The following EDA2R variants were observed in gnomAD, a reference collection of about 807,000 sequenced individuals.
EDA2R encodes tumor necrosis factor receptor superfamily member 27.
A neutral mutation model predicts 20.1 loss-of-function variants in EDA2R; 26 were observed. The observed-to-expected ratio is 1.30, with a 90% CI of 0.95 to 1.80. The LOEUF is 1.80. Among genes scored for constraint, EDA2R ranks in the 40% most tolerant of loss-of-function variants. EDA2R has a pLI of 0.00. For missense variants in EDA2R, 277 were observed against 228.7 expected, an observed-to-expected ratio of 1.21 and a Z score of -1.36; for synonymous variants, 114 against 88.7, an observed-to-expected ratio of 1.29 and a Z score of -1.60.
chrX:66,606,600 A>G (rs1477213021), intron 2 of EDA2R, among the ~76,000 whole-genome samples: 5 of 112,413 alleles, frequency 4.4e-5, no homozygotes, highest in Non-Finnish European at 9.4e-5. Flanking sequence ...GAAAACATTC[A>G]AAGGCTTACA....
At position 66,598,069 on chromosome X, in the gene EDA2R, C is replaced by A. The variant is rs1200688842; in HGVS notation, c.*35G>T. 1.0e-6 allele frequency: 1 copy of A among 964,971 alleles called. No homozygotes were observed. The highest frequency in any genetic ancestry group is 2.0e-5 in the South Asian group (1 of 48,840). 79.5% of individuals were successfully genotyped at this position (964,971 alleles called of 1,213,427 possible). A position where few individuals can be genotyped will look rare whatever the true frequency, so the allele number is the denominator to read the frequency against. On this transcript the variant is annotated 3_prime_UTR_variant, in exon 7 of 7. Coordinates refer to ENST00000374719, the MANE Select transcript of EDA2R (RefSeq NM_021783.5). The stretch of plus-strand genomic sequence containing the variant: ...ACAGAGTCCAGAGAGAACAACTGGG[C>A]AAGGCTGCCAGGGGCCCAAGAGACC...
At chrX:66,624,006 G>A (rs1288290806) in intron 1 of EDA2R, among the ~76,000 whole-genome samples, 1 of 112,259 alleles carries the variant, frequency 8.9e-6, no homozygotes, top group East Asian at 2.8e-4. Context: ...GGTACGTATT[G>A]TGTTTGCTAC....
intron 1 of EDA2R, among the ~76,000 whole-genome samples, chrX:66,634,686 G>T (rs1934166679): frequency 9.0e-6 from 1 of 111,698 alleles, no homozygotes; most frequent in African/African-American, 3.3e-5. Flanking sequence ...AGTGGTCAAT[G>T]GTAGAGCTAA....
chrX:66,602,495 G>T, intron 5 of EDA2R, 138 bp downstream of exon 5: 1 of 708,576 alleles, frequency 1.4e-6, no homozygotes, highest in Non-Finnish European at 2.0e-6. Context: ...TAGTTCCCCA[G>T]GCCAACAGAA....
chrX:66,627,319 T>C (rs775384729), intron 1 of EDA2R, among the ~76,000 whole-genome samples: 1 of 112,200 alleles, frequency 8.9e-6, no homozygotes, highest in African/African-American at 3.2e-5. Flanking sequence ...AATGCTCCAC[T>C]TAAGAAATAC....
At chrX:66,613,588 T>A (rs1374722459) in intron 2 of EDA2R, among the ~76,000 whole-genome samples, 1 of 111,858 alleles carries the variant, frequency 8.9e-6, no homozygotes, top group Non-Finnish European at 1.9e-5. Context: ...TTCTGGGACA[T>A]GGGAATTTGT....
At chrX:66,605,909 T>G (rs892243783) in intron 2 of EDA2R, among the ~76,000 whole-genome samples, 6 of 112,405 alleles carry the variant, frequency 5.3e-5, no homozygotes, top group Non-Finnish European at 1.1e-4. Flanking sequence ...TGATAAAAAG[T>G]TATTTCTTAC....
In EDA2R at chrX:66,605,118, C is replaced by T; in HGVS notation, c.196G>A (p.Val66Ile). Residue 66 changes from valine (V) to isoleucine (I), a missense_variant, in exon 3 of 7, where the codon GTC (valine) becomes ATC (isoleucine). Coordinates refer to ENST00000374719, the MANE Select transcript of EDA2R (RefSeq NM_021783.5). ...HRCQSCITCA[V>I]INRVQKVNCT... is the part of the protein sequence containing the mutation. ...TTGACCTTCTGAACACGATTGATGACAGCACAGGTGATGCAACTCTGACAT... is the reference window on the plus strand; with the variant it reads ...TTGACCTTCTGAACACGATTGATGATAGCACAGGTGATGCAACTCTGACAT... 8.3e-7 allele frequency: 1 copy of T among 1,209,572 alleles called. No homozygotes were observed.
intron 6 of EDA2R, among the ~76,000 whole-genome samples, chrX:66,598,435 G>A (rs780419619): frequency 5.4e-5 from 6 of 111,508 alleles, no homozygotes; most frequent in African/African-American, 1.3e-4. Flanking sequence ...ATGGATAGGC[G>A]GGTACTACAG....
chrX:66,612,494 A>C (rs1305036067), intron 2 of EDA2R, among the ~76,000 whole-genome samples: 1 of 111,245 alleles, frequency 9.0e-6, no homozygotes, highest in Non-Finnish European at 1.9e-5. Context: ...GTAACGTGTT[A>C]GTTTTTCATG....
chrX:66,637,152 A>G (rs1934410955), intron 1 of EDA2R, among the ~76,000 whole-genome samples: 1 of 112,212 alleles, frequency 8.9e-6, no homozygotes, highest in African/African-American at 3.2e-5. Context: ...GGGAATGCAC[A>G]ACCTTGTAAG....
intron 5 of EDA2R, among the ~76,000 whole-genome samples, chrX:66,600,524 A>G (rs938735014): frequency 8.9e-6 from 1 of 111,926 alleles, no homozygotes; most frequent in African/African-American, 3.3e-5. Context: ...ATGATCAAGC[A>G]GATTCTCTCC....
chrX:66,618,640 CT>C (rs894811575), intron 1 of EDA2R, among the ~76,000 whole-genome samples: 22 of 111,860 alleles, frequency 2.0e-4, no homozygotes, highest in Non-Finnish European at 2.8e-4. Flanking sequence ...AGCCCTGCAC[CT>C]GGCACAGAGT....
intron 1 of EDA2R, among the ~76,000 whole-genome samples, chrX:66,636,096 T>C (rs1468965958): frequency 9.0e-6 from 1 of 110,687 alleles, no homozygotes; most frequent in Non-Finnish European, 1.9e-5. Context: ...AGACAGGGTC[T>C]CTCCATGTTT....
intron 3 of EDA2R, 146 bp downstream of exon 3, chrX:66,604,902 G>A: frequency 1.9e-6 from 1 of 539,571 alleles, no homozygotes; most frequent in South Asian, 3.6e-5. Flanking sequence ...ATCTTGGGAA[G>A]ACACCACTTC....
intron 1 of EDA2R, among the ~76,000 whole-genome samples, chrX:66,618,712 T>C (rs779781462): frequency 3.6e-5 from 4 of 112,316 alleles, no homozygotes; most frequent in African/African-American, 1.3e-4. Context: ...CCCTGGACTA[T>C]GGTTAACTAT....
chrX:66,610,314 C>CACAG (rs1276536402), intron 2 of EDA2R, among the ~76,000 whole-genome samples: 1 of 109,108 alleles, frequency 9.2e-6, no homozygotes, highest in Non-Finnish European at 1.9e-5. Context: ...CACACACACA[C>CACAG]AGATACATAT....
At chrX:66,603,919 A>C (rs895365142) in intron 4 of EDA2R, among the ~76,000 whole-genome samples, 8 of 112,367 alleles carry the variant, frequency 7.1e-5, no homozygotes, top group Non-Finnish European at 1.3e-4. Context: ...TGATTTAAAA[A>C]ATATGTCAAT....
In EDA2R at chrX:66,605,531, T is replaced by G. The variant is rs1227592929; in HGVS notation, c.88-305A>C. 9.8e-5 allele frequency among the ~76,000 whole-genome samples: 11 copies of G among 112,335 alleles called. No individual in the cohort carries two copies. In the East Asian group the frequency reaches 3.1e-3, roughly 31 times the overall value. On this transcript the variant is annotated intron_variant, in intron 2 of 6. Coordinates refer to ENST00000374719, the MANE Select transcript of EDA2R (RefSeq NM_021783.5). ...CTCAGTGTCTTAAAAGAATAAAAGT[T>G]TATTTCTCACTCATCATATTTGCCT... is the stretch of plus-strand genomic sequence containing the variant.
Sources: allele counts gnomAD v4.1 joint callset (sites outside exome capture counted in the v4.1 genomes callset), GRCh38; gene constraint gnomAD v4.1.1; transcripts MANE v1.5; gene names NCBI Gene and HGNC (gene_info 2026-07-23, HGNC 2026-07-21).